The following SHISA9 variants were observed in gnomAD, a reference collection of about 807,000 sequenced individuals.
SHISA9 encodes protein shisa-9.
A neutral mutation model predicts 38.0 loss-of-function variants in SHISA9; 13 were observed. The ratio of observed to expected loss-of-function variants is 0.34; its 90% CI spans 0.22 to 0.54. The LOEUF (loss-of-function observed/expected upper bound fraction) is 0.54, where lower values mean the gene tolerates loss of function less well. SHISA9 is among the 20% of genes least tolerant of loss of function. The pLI, the probability that SHISA9 is intolerant of heterozygous loss-of-function variation, is 0.91. For missense variants in SHISA9, 538 were observed against 575.8 expected (o/e 0.93, Z 0.67); for synonymous variants, 275 against 242.0 (o/e 1.14, Z -1.27).
At chr16:12,953,218 C>T (rs866980846) in intron 2 of SHISA9, among the ~76,000 whole-genome samples, 9 of 150,084 alleles carry the variant, frequency 6.0e-5, no homozygotes, top group Admixed American at 3.3e-4. Flanking sequence ...TCAACAACAA[C>T]AACAACAACA....
At chr16:13,143,766 A>C (rs957654658) in intron 2 of SHISA9, among the ~76,000 whole-genome samples, 1 of 152,256 alleles carries the variant, frequency 6.6e-6, no homozygotes, top group Non-Finnish European at 1.5e-5. Context: ...ACCATTGGCA[A>C]TGCTTGAGCT....
chr16:13,359,357 C>T, the SHISA9 span, among the ~76,000 whole-genome samples: 1 of 152,202 alleles, frequency 6.6e-6, no homozygotes, highest in African/African-American at 2.4e-5. Context: ...GTGGTGGGCA[C>T]CTGTAATCCC....
chr16:12,923,810 C>T (rs2071359992), intron 2 of SHISA9, among the ~76,000 whole-genome samples: 1 of 151,420 alleles, frequency 6.6e-6, no homozygotes, highest in African/African-American at 2.4e-5. Context: ...CACTGCACCC[C>T]AGCCTGGGCA....
chr16:13,244,087 T>C (rs1350511116), downstream of SHISA9, among the ~76,000 whole-genome samples: 1 of 152,200 alleles, frequency 6.6e-6, no homozygotes, highest in African/African-American at 2.4e-5. Flanking sequence ...CTAACAGCCA[T>C]GGGCTACTAT....
chr16:13,120,614 T>C (rs1032668375), intron 2 of SHISA9, among the ~76,000 whole-genome samples: 14 of 152,214 alleles, frequency 9.2e-5, no homozygotes, highest in African/African-American at 3.4e-4. Flanking sequence ...TTTGCAAATA[T>C]TTATGAGACA....
the SHISA9 span, among the ~76,000 whole-genome samples, chr16:13,326,138 A>G: frequency 1.3e-3 from 198 of 152,190 alleles, no homozygotes; most frequent in Middle Eastern, 3.4e-3. Context: ...CCGGCTTAAA[A>G]TAATCAGACA....
At chr16:13,310,596 C>G in the SHISA9 span, among the ~76,000 whole-genome samples, 4 of 151,818 alleles carry the variant, frequency 2.6e-5, no homozygotes, top group Non-Finnish European at 1.5e-5. Context: ...AATCCTCTAT[C>G]TTGAAGGACT....
chr16:13,398,127 C>G, the SHISA9 span, among the ~76,000 whole-genome samples: 1 of 152,154 alleles, frequency 6.6e-6, no homozygotes, highest in African/African-American at 2.4e-5. Context: ...GTGTCTCTGC[C>G]TACTAGGGTC....
intron 2 of SHISA9, among the ~76,000 whole-genome samples, chr16:13,004,565 A>T (rs2072571019): frequency 2.6e-5 from 4 of 152,088 alleles, no homozygotes; most frequent in Non-Finnish European, 5.9e-5. Flanking sequence ...GAGTGGACTG[A>T]TGAATTCATC....
intron 2 of SHISA9, among the ~76,000 whole-genome samples, chr16:13,003,975 G>C (rs1023764474): frequency 3.3e-5 from 5 of 152,158 alleles, no homozygotes; most frequent in African/African-American, 1.2e-4. Flanking sequence ...GCTATGTGTT[G>C]GGGGTGCTTT....
At chr16:12,922,668 T>C (rs2141729749) in intron 2 of SHISA9, among the ~76,000 whole-genome samples, 1 of 152,254 alleles carries the variant, frequency 6.6e-6, no homozygotes, top group East Asian at 1.9e-4. Context: ...TACAGGCAGA[T>C]GCCACCACAC....
At chr16:13,216,500 G>A (rs2051170667) in intron 4 of SHISA9, among the ~76,000 whole-genome samples, 1 of 152,180 alleles carries the variant, frequency 6.6e-6, no homozygotes, top group Non-Finnish European at 1.5e-5. Flanking sequence ...AAGCCTTGTG[G>A]TAATAAAAAC....
chr16:13,222,659 G>T (rs771777394), intron 4 of SHISA9, among the ~76,000 whole-genome samples: 73 of 152,090 alleles, frequency 4.8e-4, no homozygotes, highest in Non-Finnish European at 4.7e-4. Flanking sequence ...ATAAGAAGCA[G>T]GCAGCCACAG....
intron 4 of SHISA9, among the ~76,000 whole-genome samples, chr16:13,217,623 G>A (rs555242899): frequency 6.6e-6 from 1 of 152,292 alleles, no homozygotes; most frequent in South Asian, 2.1e-4. Flanking sequence ...GCTTGGCTTG[G>A]TATATAATAG....
rs80231874 is a variant in SHISA9, at chr16:12,951,960, A to G, written c.691+35145A>G. On this transcript the variant is annotated intron_variant, in intron 2 of 4. Transcript: ENST00000558583. ...GGAGGAAAGGAACATATGCATGTCA[A>G]TATGGCATTTGAAGATGCTACTTGG... Among the ~76,000 whole-genome samples the G allele has an allele frequency of 3.1e-3, 465 of 152,334 alleles. 2 individuals carry two copies. Among genetic ancestry groups the G allele is most frequent in the African/African-American group, 0.011 (439 of 41,572 alleles).
intron 1 of SHISA9, chr16:12,910,882 G>A (rs751536892): frequency 3.2e-6 from 1 of 314,696 alleles, no homozygotes; most frequent in Non-Finnish European, 4.6e-6. Flanking sequence ...AAAGGTCAGT[G>A]TTTTGTTCTA....
chr16:13,433,309 T>C, the SHISA9 span, among the ~76,000 whole-genome samples: 1 of 152,346 alleles, frequency 6.6e-6, no homozygotes. Flanking sequence ...TCTGTCTGCA[T>C]CTCAGTTGCT....
chr16:13,496,834 C>G, the SHISA9 span, among the ~76,000 whole-genome samples: 1 of 151,938 alleles, frequency 6.6e-6, no homozygotes, highest in South Asian at 2.1e-4. Flanking sequence ...CGATCTTGGC[C>G]AAGAGATGAA....
At chr16:13,036,393 T>G (rs1205846763) in intron 2 of SHISA9, among the ~76,000 whole-genome samples, 2 of 152,324 alleles carry the variant, frequency 1.3e-5, no homozygotes, top group East Asian at 3.9e-4. Context: ...ACTACATAAT[T>G]TCATTTATTT....
Sources: allele counts gnomAD v4.1 joint callset (sites outside exome capture counted in the v4.1 genomes callset), GRCh38; gene constraint gnomAD v4.1.1; transcripts MANE v1.5; gene names NCBI Gene and HGNC (gene_info 2026-07-23, HGNC 2026-07-21).